Variants in ANAPC5 observed in about 807,000 individuals in gnomAD.
The protein encoded by ANAPC5 is anaphase-promoting complex subunit 5.
Under a neutral mutation model 91.3 loss-of-function variants are expected in ANAPC5, and 60 were observed. That is an observed-to-expected ratio of 0.66 (90% confidence interval 0.53 to 0.81). The LOEUF is 0.81. ANAPC5 is among the 40% of genes least tolerant of loss of function. The pLI is 0.00. For synonymous variants in ANAPC5, 340 were observed against 364.1 expected, an observed-to-expected ratio of 0.93 and a Z score of 0.75; for missense variants, 690 against 931.5, an observed-to-expected ratio of 0.74 and a Z score of 3.37.
chr12:121,334,196 T>C (rs533432140), intron 7 of ANAPC5: 2 of 152,328 alleles, frequency 1.3e-5, no homozygotes, highest in African/African-American at 2.4e-5. Flanking sequence ...GACTGCTTGC[T>C]TGAGCCCATG....
chr12:121,309,821 T>C lies in ANAPC5; in HGVS notation c.1936A>G (p.Met646Val), dbSNP rs561727950. The C allele has an allele frequency of 3.7e-6, 6 of 1,614,086 alleles. No individual in the cohort carries two copies. The highest frequency in any genetic ancestry group is 1.7e-4 in the Middle Eastern group (1 of 6,060). ...IPEQALSLLH[M>V]AIEPILADGA... is the part of the protein sequence containing the mutation. ...TCAGCCAAGATGGGCTCGATGGCCA[T>C]GTGGAGAAGACTTAAGGCCTGTTCT... Residue 646 changes from methionine to valine, a missense_variant, in exon 16 of 17, where the codon ATG becomes GTG. Met to Val is a conservative substitution (Grantham distance 21). Coordinates refer to ENST00000261819, the MANE Select transcript of ANAPC5 (RefSeq NM_016237.5).
intron 5 of ANAPC5, among the ~76,000 whole-genome samples, chr12:121,340,484 T>A (rs1555273987): frequency 6.6e-6 from 1 of 151,988 alleles, no homozygotes; most frequent in East Asian, 1.9e-4. Context: ...ACCAATCACA[T>A]AGACAGGTTT....
chr12:121,316,629 A>G (rs1161433152), intron 15 of ANAPC5, among the ~76,000 whole-genome samples: 1 of 148,258 alleles, frequency 6.7e-6, no homozygotes, highest in Non-Finnish European at 1.5e-5. Context: ...CCTACTCGGA[A>G]GGCTGAGGCA....
Position 121,346,959 on chromosome 12 carries a change from A to G in ANAPC5, c.334T>C (p.Phe112Leu). ...EGELKDMEQF[F>L]DDLSDSFSGT... ...GAGAAAGAATCTGAAAGGTCATCAA[A>G]AAACTGTTCCATATCCTTCAACTCG... Residue 112 changes from phenylalanine to leucine, a missense_variant, in exon 3 of 17, where the codon TTT becomes CTT. This residue lies in a region of ANAPC5 where 238 missense variants were observed against 264.9 expected (regional missense o/e 0.90). Transcript: ENST00000261819. 1 of 1,612,334 alleles carries G rather than the reference A, an allele frequency of 6.2e-7. No individual in the cohort carries two copies. The highest frequency in any genetic ancestry group is 8.5e-7 in the Non-Finnish European group (1 of 1,179,572).
At chr12:121,341,907 T>C (rs1555274126) in intron 5 of ANAPC5, 96 bp downstream of exon 5, 2 of 899,964 alleles carry the variant, frequency 2.2e-6, no homozygotes, top group African/African-American at 1.7e-5. Context: ...AACAAACCTA[T>C]GCACATAACG....
At position 121,331,442 on chromosome 12, in the gene ANAPC5, A is replaced by G. The variant is rs782677197; in HGVS notation, c.951-14T>C. 43 of 1,599,882 alleles carry G rather than the reference A, an allele frequency of 2.7e-5. No individual in the cohort carries two copies. In the East Asian group the frequency reaches 9.4e-4, roughly 35 times the overall value. ...TCTGCCTGTTGACTAATGACAGACTAAACATTAATATCCCATTAATAATCA... is the reference window on the plus strand; with the variant it reads ...TCTGCCTGTTGACTAATGACAGACTGAACATTAATATCCCATTAATAATCA... On this transcript the variant is annotated splice_polypyrimidine_tract_variant and intron_variant, in intron 7 of 16. Coordinates refer to ENST00000261819, the MANE Select transcript of ANAPC5 (RefSeq NM_016237.5).
upstream of ANAPC5, chr12:121,352,580 A>G: frequency 2.1e-6 from 1 of 467,030 alleles, no homozygotes. Context: ...GACTCCCTAC[A>G]GAAACTTTTG....
chr12:121,312,752 C>T (rs1902218178), intron 15 of ANAPC5, among the ~76,000 whole-genome samples: 1 of 148,236 alleles, frequency 6.7e-6, no homozygotes, highest in Non-Finnish European at 1.5e-5. Context: ...TGGTGGTGCA[C>T]GTCTGTAATC....
chr12:121,345,765 T>C, intron 4 of ANAPC5, 74 bp downstream of exon 4: 1 of 1,439,936 alleles, frequency 6.9e-7, no homozygotes, highest in South Asian at 1.3e-5. Context: ...GAATTCTAAA[T>C]GAACAAGGAC....
intron 5 of ANAPC5, among the ~76,000 whole-genome samples, chr12:121,338,788 C>A (rs1555273771): frequency 6.6e-6 from 1 of 151,878 alleles, no homozygotes; most frequent in Admixed American, 6.6e-5. Flanking sequence ...TGTTACATAT[C>A]ATATTCTGAT....
chr12:121,312,467 G>T (rs1299584103), intron 15 of ANAPC5, among the ~76,000 whole-genome samples: 1 of 151,954 alleles, frequency 6.6e-6, no homozygotes, highest in Non-Finnish European at 1.5e-5. Flanking sequence ...AGCACTTTGG[G>T]AGGCCGAGGC....
intron 5 of ANAPC5, among the ~76,000 whole-genome samples, chr12:121,340,733 G>T (rs955533196): frequency 1.7e-4 from 26 of 150,252 alleles, no homozygotes; most frequent in African/African-American, 5.4e-4. Flanking sequence ...TTGTGTGTGT[G>T]TTTTTTTTAG....
intron 11 of ANAPC5, among the ~76,000 whole-genome samples, chr12:121,325,095 T>C (rs1162037905): frequency 1.3e-5 from 2 of 151,980 alleles, no homozygotes; most frequent in African/African-American, 4.8e-5. Flanking sequence ...GCCCAGAAGG[T>C]TGAGGCTGCA....
rs901719231 is a variant in ANAPC5 at position 121,331,709 on chromosome 12, C to T, written c.951-281G>A. 4.2e-5 allele frequency: 10 copies of T among 237,436 alleles called. No individual in the cohort carries two copies. In the East Asian group the frequency reaches 7.9e-4, roughly 19 times the overall value. 14.7% of individuals were successfully genotyped at this position (237,436 alleles called of 1,614,324 possible). ...TTCTAAGATGTTTATTTTAAAGGTC[C>T]ACTGCTGAGGGGAAGGGCAAGGAGA... On this transcript the variant is annotated intron_variant, in intron 7 of 16. Coordinates refer to ENST00000261819, the MANE Select transcript of ANAPC5 (RefSeq NM_016237.5).
intron 7 of ANAPC5, chr12:121,334,174 G>C (rs1293038901): frequency 1.3e-5 from 2 of 152,212 alleles, no homozygotes; most frequent in African/African-American, 4.8e-5. Context: ...TCACAGCTAG[G>C]AGGCTGAGAT....
chr12:121,316,587 G>C (rs1007505333), intron 15 of ANAPC5, among the ~76,000 whole-genome samples: 1 of 151,904 alleles, frequency 6.6e-6, no homozygotes, highest in Non-Finnish European at 1.5e-5. Flanking sequence ...CAAAAAAATA[G>C]CTGGGCGTGG....
At chr12:121,318,039 G>A (rs1902439533) in intron 15 of ANAPC5, 3 of 351,568 alleles carry the variant, frequency 8.5e-6, no homozygotes, top group African/African-American at 4.2e-5. Flanking sequence ...CTGAAGAGGC[G>A]AGTCCTCCTT....
upstream of ANAPC5, chr12:121,352,588 T>C (rs904192390): frequency 4.5e-6 from 2 of 445,326 alleles, no homozygotes; most frequent in African/African-American, 4.0e-5. Flanking sequence ...ACAGAAACTT[T>C]TGCCGAGTGG....
rs781856610 is a variant in ANAPC5, at chr12:121,346,866, C to A, written c.397+30G>T. ...AAAGCTGCTCACTTCAATGAAAATA[C>A]TCTCTGCTCTTCTTAGAAGAGTTTC... On this transcript the variant is annotated intron_variant, in intron 3 of 16. Coordinates refer to ENST00000261819, the MANE Select transcript of ANAPC5 (RefSeq NM_016237.5). The A allele has an allele frequency of 2.8e-6, 4 of 1,407,052 alleles. No homozygotes were observed. In the Admixed American group the frequency reaches 8.4e-5, roughly 30 times the overall value. The allele number at this position is 1,407,052 out of a possible 1,614,324, so 87.2% of individuals were successfully genotyped here.
Sources: allele counts gnomAD v4.1 joint callset (sites outside exome capture counted in the v4.1 genomes callset), GRCh38; gene constraint gnomAD v4.1.1; regional missense constraint gnomAD v4.1.1; transcripts MANE v1.5; gene names NCBI Gene and HGNC (gene_info 2026-07-23, HGNC 2026-07-21).